VPS13A: variants seen among roughly 807,000 people sequenced by gnomAD.
VPS13A encodes vacuolar protein sorting 13 homolog A.
VPS13A carries 264 observed loss-of-function variants against 390.9 expected under a neutral mutation model. That is an observed-to-expected ratio of 0.68 (90% CI 0.61 to 0.75). The LOEUF is 0.75. VPS13A is among the 30% of genes least tolerant of loss of function. The pLI, the probability that VPS13A is intolerant of heterozygous loss-of-function variation, is 0.00. For missense variants in VPS13A, 3,409 were observed against 3,733.9 expected, an observed-to-expected ratio of 0.91 and a Z score of 2.27; for synonymous variants, 1,231 against 1,227.1, an observed-to-expected ratio of 1.00 and a Z score of -0.07.
At chr9:77,295,518 G>A (rs762123950) in intron 32 of VPS13A, 24 bp from the exon 33 acceptor site, 2 of 1,566,330 alleles carry the variant, frequency 1.3e-6, no homozygotes, top group Non-Finnish European at 1.7e-6. Flanking sequence ...ATAACCTTAA[G>A]AATATAATTC....
At chr9:77,291,970 C>T (rs1021034172) in intron 31 of VPS13A, among the ~76,000 whole-genome samples, 4 of 152,122 alleles carry the variant, frequency 2.6e-5, no homozygotes, top group Admixed American at 6.5e-5. Context: ...TGTTCTTCCC[C>T]TAGAGTTTTA....
intron 69 of VPS13A, among the ~76,000 whole-genome samples, chr9:77,404,098 G>GT (rs1834494844): frequency 6.6e-6 from 1 of 152,044 alleles, no homozygotes; most frequent in South Asian, 2.1e-4. Flanking sequence ...TATTTAAAAA[G>GT]TAACACCAAG....
chr9:77,371,824 C>A (rs1587679199), intron 67 of VPS13A, among the ~76,000 whole-genome samples: 1 of 124,998 alleles, frequency 8.0e-6, no homozygotes. Flanking sequence ...CTCCCCCCAC[C>A]CCACCTGTGA....
intron 34 of VPS13A, among the ~76,000 whole-genome samples, chr9:77,305,140 G>A (rs750139627): frequency 9.2e-5 from 14 of 151,980 alleles, no homozygotes; most frequent in African/African-American, 2.4e-4. Flanking sequence ...GGATTTCACC[G>A]TGTTAGCCAG....
At chr9:77,310,453 C>T (rs1464463811) in intron 35 of VPS13A, among the ~76,000 whole-genome samples, 1 of 152,072 alleles carries the variant, frequency 6.6e-6, no homozygotes, top group African/African-American at 2.4e-5. Context: ...GTGTTTTCTG[C>T]GCTTAAGAAA....
chr9:77,404,250 G>A (rs1834501477), intron 69 of VPS13A, among the ~76,000 whole-genome samples: 1 of 151,980 alleles, frequency 6.6e-6, no homozygotes, highest in South Asian at 2.1e-4. Flanking sequence ...AATATTCTAT[G>A]CCTCTACAGG....
In VPS13A at chr9:77,209,422, GAAC is replaced by G. The variant is rs1172328100; in HGVS notation, c.390_392del (p.Gln130del). 1.2e-6 allele frequency: 2 copies of G among 1,604,370 alleles called. No individual in the cohort carries two copies. Among genetic ancestry groups the G allele is most frequent in the Admixed American group, 1.7e-5 (1 of 59,896 alleles). ...TAAAAAAGGAATATTTGCAATTGTA[GAAC>G]AACATCTGCCGGAAAAACAGGACAC... On this transcript the variant is annotated inframe_deletion and splice_region_variant, in exon 6 of 72. Transcript: ENST00000360280.
intron 22 of VPS13A, 130 bp from the exon 23 acceptor site, chr9:77,259,956 A>T: frequency 1.4e-6 from 1 of 690,498 alleles, no homozygotes; most frequent in Non-Finnish European, 2.4e-6. Flanking sequence ...GTAAGACGGA[A>T]ATTGGAATAG....
Position 77,315,371 on chromosome 9 carries a change from G to A in VPS13A, c.4531G>A (p.Val1511Ile), listed in dbSNP as rs772777445. ...VFQEMYICASVEFLQTVANVF... is the reference protein window; with the variant it reads ...VFQEMYICASIEFLQTVANVF... ...TCAAGAAATGTATATTTGTGCAAGC[G>A]TAGAATTTCTGCAGACTGTTGCAAA... The change falls in exon 38 of 72, where the codon GTA (valine) becomes ATA (isoleucine). Residue 1511 changes from valine (V) to isoleucine (I), a missense_variant. Val to Ile is a conservative substitution (Grantham distance 29, BLOSUM62 3). Coordinates refer to ENST00000360280, the MANE Select transcript of VPS13A (RefSeq NM_033305.3). The A allele has an allele frequency of 4.3e-6, 7 of 1,613,860 alleles. No individual in the cohort carries two copies. The highest frequency in any genetic ancestry group is 4.5e-5 in the East Asian group (2 of 44,872).
chr9:77,358,549 A>G, intron 57 of VPS13A, 111 bp downstream of exon 57: 2 of 925,838 alleles, frequency 2.2e-6, no homozygotes, highest in Non-Finnish European at 1.7e-6. Flanking sequence ...TTATAGGATA[A>G]TTGGAAAATT....
intron 50 of VPS13A, among the ~76,000 whole-genome samples, chr9:77,341,690 C>CTTTTTTTTTTTTTTTTTTTTTTTTTTT (rs1830821898): frequency 4.2e-5 from 1 of 23,562 alleles, no homozygotes; most frequent in African/African-American, 1.9e-4. Context: ...GGACATCTTT[C>CTTTTTTTTTTTTTTTTTTTTTTTTTTT]CTTTTTTTTT....
chr9:77,198,779 T>G (rs1438787570), intron 1 of VPS13A, among the ~76,000 whole-genome samples: 4 of 152,140 alleles, frequency 2.6e-5, no homozygotes, highest in Admixed American at 6.5e-5. Flanking sequence ...TTCTCCTGCC[T>G]TAGTCTCCCA....
rs2131177202 is a variant in VPS13A, at chr9:77,220,381, A to G, written c.987A>G (p.Glu329=). 6.2e-7 allele frequency: 1 copy of G among 1,600,906 alleles called. No individual in the cohort carries two copies. The highest frequency in any genetic ancestry group is 8.5e-7 in the Non-Finnish European group (1 of 1,171,432). ...TGCCTCTTCACCACCATGCCAGAGA[A>G]TGGTAAATGCCTTGATTTTTTTTTT... The part of the protein sequence containing the change: ...PDVPLHHHAR[E]WWAYAIHGVL... The change falls in exon 12 of 72, where the codon GAA becomes GAG. Residue 329 remains glutamate (E), a splice_region_variant and synonymous_variant. Transcript: ENST00000360280.
Position 77,238,132 on chromosome 9 carries a change from G to A in VPS13A, c.1726G>A (p.Glu576Lys). Residue 576 changes from glutamate (E) to lysine (K), a missense_variant, in exon 18 of 72, where the codon GAA becomes AAA. By Grantham distance (56) the Glu-to-Lys change is moderately conservative. This residue lies in a region of VPS13A where 2,717 missense variants were observed against 2,917.4 expected (regional missense o/e 0.93). Transcript: ENST00000360280. ...QITFEINPLD[E>K]TVSQRCIIEA... ...TACATTTGAGATAAATCCATTAGAT[G>A]AAACTGTTTCTCAGAGGTGTATCAT... 6.2e-7 allele frequency: 1 copy of A among 1,613,728 alleles called. No homozygotes were observed. Among genetic ancestry groups the A allele is most frequent in the Non-Finnish European group, 8.5e-7 (1 of 1,179,834 alleles).
At chr9:77,245,539 T>C (rs1824756613) in intron 19 of VPS13A, among the ~76,000 whole-genome samples, 1 of 152,228 alleles carries the variant, frequency 6.6e-6, no homozygotes. Flanking sequence ...TTTGATGATC[T>C]GTCAGTCTGT....
chr9:77,304,859 C>T (rs1024897348), intron 34 of VPS13A, among the ~76,000 whole-genome samples: 3 of 152,092 alleles, frequency 2.0e-5, no homozygotes, highest in Admixed American at 2.0e-4. Context: ...CTCCCCACCT[C>T]ACAGTTTCCC....
chr9:77,219,233 A>G (rs907276707), intron 10 of VPS13A, among the ~76,000 whole-genome samples: 1 of 152,178 alleles, frequency 6.6e-6, no homozygotes, highest in East Asian at 1.9e-4. Context: ...TTTATATTCA[A>G]ATGAACATAT....
Position 77,315,454 on chromosome 9 carries a change from G to A in VPS13A, c.4614G>A (p.Trp1538Ter), listed in dbSNP as rs1829330772. Residue 1538 changes from tryptophan (W) to a stop codon, truncating the protein, a stop_gained, in exon 38 of 72, where the codon TGG becomes TGA. Coordinates refer to ENST00000360280, the MANE Select transcript of VPS13A (RefSeq NM_033305.3). LOFTEE classifies it high-confidence loss of function. ...GTAVETSVQT[W>*]TAKEEVPTQE... is the part of the protein sequence containing the mutation. ...CTGTAGAAACCAGTGTGCAAACATG[G>A]ACTGCTAAGGAAGAAGGTTAGTTAT... is the stretch of plus-strand genomic sequence containing the variant. 1 of 1,613,866 alleles carries A rather than the reference G, an allele frequency of 6.2e-7. No homozygotes were observed. The highest frequency in any genetic ancestry group is 8.5e-7 in the Non-Finnish European group (1 of 1,179,774).
chr9:77,250,217 T>A lies in VPS13A; in HGVS notation c.2158T>A (p.Tyr720Asn). The A allele has an allele frequency of 6.2e-7, 1 of 1,613,582 alleles. No individual in the cohort carries two copies. The highest frequency in any genetic ancestry group is 8.5e-7 in the Non-Finnish European group (1 of 1,179,882). Reference protein sequence around the residue: ...DIQLTSVQLLYSRVGDNWREA... With the variant: ...DIQLTSVQLLNSRVGDNWREA... ...TCAACTTACAAGTGTACAGCTGCTT[T>A]ACAGTAGAGTTGGTGAGTATAAAAT... The change falls in exon 21 of 72, where the codon TAC becomes AAC. Residue 720 changes from tyrosine (Y) to asparagine (N), a missense_variant. This residue lies in a region of VPS13A where 2,717 missense variants were observed against 2,917.4 expected (regional missense o/e 0.93). Coordinates refer to ENST00000360280, the MANE Select transcript of VPS13A (RefSeq NM_033305.3).
Sources: allele counts gnomAD v4.1 joint callset (sites outside exome capture counted in the v4.1 genomes callset), GRCh38; gene constraint gnomAD v4.1.1; regional missense constraint gnomAD v4.1.1; transcripts MANE v1.5; gene names NCBI Gene and HGNC (gene_info 2026-07-23, HGNC 2026-07-21).